Variants in DLGAP1 observed in about 807,000 individuals in gnomAD.
DLGAP1 encodes disks large-associated protein 1.
DLGAP1 carries 11 observed loss-of-function variants against 90.8 expected under a neutral mutation model. That is an observed-to-expected ratio of 0.12 (90% CI 0.08 to 0.20). The LOEUF (loss-of-function observed/expected upper bound fraction) is 0.20. Ranked by LOEUF, DLGAP1 falls within the 10% of genes least tolerant of loss-of-function variation. DLGAP1 has a pLI of 1.00. For synonymous variants in DLGAP1, 558 were observed against 540.7 expected (o/e 1.03, Z -0.44); for missense variants, 1,050 against 1,333.8 (o/e 0.79, Z 3.31).
rs112673413 is a variant in DLGAP1 at position 3,676,576 on chromosome 18, C to A, written c.1591+52559G>T. On this transcript the variant is annotated intron_variant, in intron 7 of 12. Coordinates refer to ENST00000315677, the MANE Select transcript of DLGAP1 (RefSeq NM_004746.4). The stretch of plus-strand genomic sequence containing the variant: ...AGCTGGCTTCAAGGTCCTACAAAAA[C>A]CCCTTTTACAATGAGCAACTTCCTT... 9.2e-3 allele frequency among the ~76,000 whole-genome samples: 1,394 copies of A among 152,206 alleles called. 24 individuals are homozygous for A. Among genetic ancestry groups the A allele is most frequent in the African/African-American group, 0.031 (1,294 of 41,528 alleles).
intron 1 of DLGAP1, among the ~76,000 whole-genome samples, chr18:4,323,957 G>A (rs1373644941): frequency 1.3e-5 from 2 of 151,910 alleles, no homozygotes; most frequent in Non-Finnish European, 2.9e-5. Context: ...ATAACAACTG[G>A]AAGAACTAGA....
chr18:3,580,780 A>G (rs1008204130), intron 8 of DLGAP1: 26 of 1,608,914 alleles, frequency 1.6e-5, no homozygotes, highest in Admixed American at 5.0e-5. Flanking sequence ...TGCAGTGTGC[A>G]TGGTCAGGGG....
rs530801962 is a variant in DLGAP1, at chr18:4,345,758, A to G, written c.-267+109248T>C. 3.3e-3 allele frequency among the ~76,000 whole-genome samples: 504 copies of G among 152,300 alleles called. 4 individuals are homozygous for G. The highest frequency in any genetic ancestry group is 3.7e-3 in the Non-Finnish European group (249 of 68,022). The stretch of plus-strand genomic sequence containing the variant: ...GTTCAATGCCTTTTTGTGCTAGCCT[A>G]CTTTTTCCCTTCTGCTATGTGTCTA... On this transcript the variant is annotated intron_variant, in intron 1 of 12. Coordinates refer to ENST00000315677, the MANE Select transcript of DLGAP1 (RefSeq NM_004746.4).
In DLGAP1 at chr18:4,388,945, T is replaced by C. The variant is rs1406598628; in HGVS notation, c.-267+66061A>G. Among the ~76,000 whole-genome samples, 4 of 152,234 alleles carry C rather than the reference T, an allele frequency of 2.6e-5. No homozygotes were observed. In the East Asian group the frequency reaches 7.7e-4, roughly 29 times the overall value. The stretch of plus-strand genomic sequence containing the variant: ...AAATAGTACAGCCACTCTGAAAAAG[T>C]TTGGCAGTTCCTCAAAATATTAAAA... On this transcript the variant is annotated intron_variant, in intron 1 of 12. Coordinates refer to ENST00000315677, the MANE Select transcript of DLGAP1 (RefSeq NM_004746.4).
At chr18:4,264,930 C>A (rs905722329) in intron 1 of DLGAP1, 2 of 152,166 alleles carry the variant, frequency 1.3e-5, no homozygotes, top group African/African-American at 4.8e-5. Flanking sequence ...TTGAATCTTA[C>A]CTTTGAATTT....
intron 7 of DLGAP1, among the ~76,000 whole-genome samples, chr18:3,643,387 G>C (rs541124295): frequency 6.6e-6 from 1 of 152,280 alleles, no homozygotes; most frequent in East Asian, 1.9e-4. Flanking sequence ...AAGGAGGCCA[G>C]GTGCAGTGGC....
intron 3 of DLGAP1, among the ~76,000 whole-genome samples, chr18:3,952,474 T>A (rs1266896748): frequency 1.3e-5 from 2 of 152,142 alleles, no homozygotes; most frequent in African/African-American, 2.4e-5. Context: ...GATAACAGGG[T>A]GGCATCGGAC....
intron 5 of DLGAP1, among the ~76,000 whole-genome samples, chr18:3,789,155 C>T (rs986749835): frequency 6.6e-6 from 1 of 152,210 alleles, no homozygotes; most frequent in Admixed American, 6.5e-5. Context: ...CACATGTAGA[C>T]GAACAGTTCT....
intron 5 of DLGAP1, 41 bp from the exon 6 acceptor site, chr18:3,742,553 A>G (rs756468019): frequency 6.2e-7 from 1 of 1,606,372 alleles, no homozygotes; most frequent in Non-Finnish European, 8.5e-7. Flanking sequence ...GTCACATTCC[A>G]AAATGCAGGA....
intron 3 of DLGAP1, among the ~76,000 whole-genome samples, chr18:3,956,539 G>A (rs1174907887): frequency 2.6e-5 from 4 of 152,060 alleles, no homozygotes; most frequent in Admixed American, 2.6e-4. Flanking sequence ...TAGTAGAGAT[G>A]GGTTTTCGCC....
intron 5 of DLGAP1, among the ~76,000 whole-genome samples, chr18:3,801,080 T>TG (rs1312013482): frequency 1.3e-5 from 2 of 151,798 alleles, no homozygotes; most frequent in African/African-American, 4.8e-5. Flanking sequence ...AGCAAGAGGG[T>TG]GGGGAGGTGC....
At chr18:4,119,474 C>T (rs570065186) in intron 2 of DLGAP1, among the ~76,000 whole-genome samples, 2 of 152,242 alleles carry the variant, frequency 1.3e-5, no homozygotes, top group Admixed American at 6.5e-5. Flanking sequence ...TCACTCAGAT[C>T]GATCTGCATT....
At chr18:4,260,692 CTTT>C (rs2078986582) in intron 1 of DLGAP1, among the ~76,000 whole-genome samples, 1 of 152,108 alleles carries the variant, frequency 6.6e-6, no homozygotes, top group African/African-American at 2.4e-5. Context: ...ATCCATGATG[CTTT>C]GTCCCAAGAT....
chr18:4,445,102 A>G (rs2083628521), intron 1 of DLGAP1, among the ~76,000 whole-genome samples: 1 of 152,188 alleles, frequency 6.6e-6, no homozygotes, highest in Admixed American at 6.5e-5. Flanking sequence ...TTCGAGTTTA[A>G]TATTTTCCAA....
intron 1 of DLGAP1, among the ~76,000 whole-genome samples, chr18:4,181,051 A>T (rs927978185): frequency 6.6e-6 from 1 of 152,214 alleles, no homozygotes; most frequent in African/African-American, 2.4e-5. Context: ...AAGTTAGATA[A>T]GAGTGTCTCA....
chr18:3,524,903 A>T (rs778975725), intron 10 of DLGAP1, among the ~76,000 whole-genome samples: 3 of 152,102 alleles, frequency 2.0e-5, no homozygotes, highest in Non-Finnish European at 2.9e-5. Context: ...CATCAACAAA[A>T]CGTCTCCATA....
chr18:3,608,591 T>C (rs768143321), intron 7 of DLGAP1, among the ~76,000 whole-genome samples: 7 of 152,182 alleles, frequency 4.6e-5, no homozygotes, highest in Non-Finnish European at 1.0e-4. Context: ...CCCTAAAATA[T>C]GGTGACTTGG....
At chr18:4,122,145 T>C (rs1038542527) in intron 2 of DLGAP1, among the ~76,000 whole-genome samples, 10 of 152,198 alleles carry the variant, frequency 6.6e-5, no homozygotes, top group Non-Finnish European at 1.2e-4. Context: ...ATGCCTGTGA[T>C]GGTGTAGTAG....
chr18:4,258,003 G>GTC, intron 1 of DLGAP1, among the ~76,000 whole-genome samples: 1 of 143,028 alleles, frequency 7.0e-6, no homozygotes, highest in African/African-American at 3.0e-5. Flanking sequence ...GTGTGTGTGT[G>GTC]TGTGTGTGCG....
Sources: gnomAD v4.1 joint callset for allele counts (sites outside exome capture counted in the v4.1 genomes callset) on GRCh38, gnomAD v4.1.1 for gene constraint, MANE v1.5 for transcripts, NCBI Gene and HGNC (gene_info 2026-07-23, HGNC 2026-07-21) for gene names.